Variants in ASPH observed in about 807,000 individuals in gnomAD.
ASPH encodes aspartate beta-hydroxylase, also known as aspartyl/asparaginyl beta-hydroxylase.
In ASPH, 100 loss-of-function variants were observed where a neutral mutation model predicts 118.4. That is an observed-to-expected ratio of 0.84 (90% CI 0.72 to 1.00). The LOEUF (loss-of-function observed/expected upper bound fraction) is 1.00. Among genes scored for constraint, ASPH ranks in the 50% least tolerant of loss-of-function variants. ASPH has a pLI of 0.00. For synonymous variants in ASPH, 315 were observed against 325.6 expected, an observed-to-expected ratio of 0.97 and a Z score of 0.35; for missense variants, 920 against 919.5, an observed-to-expected ratio of 1.00 and a Z score of -0.01.
chr8:61,625,076 G>T, intron 13 of ASPH: 1 of 985,698 alleles, frequency 1.0e-6, no homozygotes, highest in East Asian at 1.1e-4. Context: ...AAAATCAAGA[G>T]CTACCCCTAA....
intron 14 of ASPH, among the ~76,000 whole-genome samples, chr8:61,615,718 G>A (rs776875073): frequency 2.0e-5 from 3 of 152,134 alleles, no homozygotes; most frequent in Admixed American, 6.5e-5. Flanking sequence ...AACTGATATC[G>A]CAATTTTATC....
At chr8:61,585,149 GT>G (rs1225817036) in intron 14 of ASPH, among the ~76,000 whole-genome samples, 2 of 152,212 alleles carry the variant, frequency 1.3e-5, no homozygotes, top group Non-Finnish European at 2.9e-5. Context: ...TTAGCAAACA[GT>G]TTTTGGCTCT....
At chr8:61,572,555 A>C (rs956172917) in intron 16 of ASPH, among the ~76,000 whole-genome samples, 1 of 152,060 alleles carries the variant, frequency 6.6e-6, no homozygotes, top group African/African-American at 2.4e-5. Flanking sequence ...GCCGAACCAA[A>C]AACTCAGGGG....
intron 1 of ASPH, among the ~76,000 whole-genome samples, chr8:61,694,207 T>G (rs1052048859): frequency 6.6e-6 from 1 of 152,144 alleles, no homozygotes; most frequent in Non-Finnish European, 1.5e-5. Context: ...AAACCTGCCC[T>G]AGCCTGCATC....
At chr8:61,714,231 G>C in intron 1 of ASPH, 38 bp downstream of exon 1, 1 of 1,442,520 alleles carries the variant, frequency 6.9e-7, no homozygotes, top group Non-Finnish European at 9.1e-7. Context: ...CCTACCCCGA[G>C]GCGAGGCCCC....
intron 1 of ASPH, among the ~76,000 whole-genome samples, chr8:61,687,899 G>A (rs1423215168): frequency 6.6e-6 from 1 of 152,020 alleles, no homozygotes; most frequent in African/African-American, 2.4e-5. Context: ...TATTACTGTT[G>A]ATATTTACTA....
At chr8:61,522,299 A>T (rs1000215665) in intron 22 of ASPH, among the ~76,000 whole-genome samples, 2 of 152,200 alleles carry the variant, frequency 1.3e-5, no homozygotes, top group African/African-American at 2.4e-5. Flanking sequence ...CAAATACCAC[A>T]GACTGAGTGG....
chr8:61,517,858 A>G (rs1217359161), intron 23 of ASPH, among the ~76,000 whole-genome samples, 174 bp downstream of exon 23: 1 of 152,220 alleles, frequency 6.6e-6, no homozygotes, highest in Non-Finnish European at 1.5e-5. Context: ...TAAACACTGA[A>G]CATTTTCCAC....
intron 13 of ASPH, chr8:61,633,428 A>G (rs1856454390): frequency 3.3e-6 from 1 of 304,506 alleles, no homozygotes; most frequent in Non-Finnish European, 6.1e-6. Context: ...TACTACCACC[A>G]TCTATAATGG....
intron 1 of ASPH, among the ~76,000 whole-genome samples, chr8:61,685,061 C>T (rs1449561057): frequency 6.6e-6 from 1 of 151,932 alleles, no homozygotes; most frequent in African/African-American, 2.4e-5. Flanking sequence ...GCGGTGTCTC[C>T]CATTTGTGTG....
At chr8:61,583,809 T>C (rs1227119296) in intron 15 of ASPH, 135 bp downstream of exon 15, 4 of 615,544 alleles carry the variant, frequency 6.5e-6, no homozygotes, top group Non-Finnish European at 1.1e-5. Context: ...GGAATGTTCA[T>C]GTGCCTGGGG....
At chr8:61,706,571 C>G (rs934538842) in intron 1 of ASPH, among the ~76,000 whole-genome samples, 1 of 152,152 alleles carries the variant, frequency 6.6e-6, no homozygotes. Context: ...TTATAAACAT[C>G]TGTATTTGTC....
rs758059271 is a variant in ASPH, at chr8:61,503,339, C to G, written c.*20G>C. The stretch of plus-strand genomic sequence containing the variant: ...AAGGCAGCCTCTCTCCAGAGTTTCC[C>G]AAGCTTGCATGAATTCATGCTAAAT... On this transcript the variant is annotated 3_prime_UTR_variant, in exon 25 of 25. Coordinates refer to ENST00000379454, the MANE Select transcript of ASPH (RefSeq NM_004318.4). 6 of 1,593,228 alleles carry G rather than the reference C, an allele frequency of 3.8e-6. No homozygotes were observed. In the African/African-American group the frequency reaches 8.1e-5, roughly 21 times the overall value.
intron 13 of ASPH, chr8:61,626,206 A>C (rs191253299): frequency 6.9e-7 from 1 of 1,452,972 alleles, no homozygotes; most frequent in East Asian, 2.6e-5. Flanking sequence ...GATCTATCAC[A>C]GCCATCTTTT....
At chr8:61,624,394 G>T (rs145938695) in intron 13 of ASPH, 1 of 985,154 alleles carries the variant, frequency 1.0e-6, no homozygotes, top group South Asian at 4.7e-5. Context: ...TTAGAAATAC[G>T]TTAACTGGCT....
chr8:61,617,024 G>C (rs953283020), intron 14 of ASPH, among the ~76,000 whole-genome samples: 1 of 152,146 alleles, frequency 6.6e-6, no homozygotes, highest in Admixed American at 6.5e-5. Context: ...TGTTAAGTTT[G>C]AAGTGATTAT....
chr8:61,710,145 T>C (rs1042460996), intron 1 of ASPH, among the ~76,000 whole-genome samples: 4 of 152,216 alleles, frequency 2.6e-5, no homozygotes, highest in Non-Finnish European at 1.5e-5. Flanking sequence ...TCAGCATTAG[T>C]GATATCAAAA....
At chr8:61,695,232 T>G (rs1270535495) in intron 1 of ASPH, among the ~76,000 whole-genome samples, 1 of 152,228 alleles carries the variant, frequency 6.6e-6, no homozygotes, top group Non-Finnish European at 1.5e-5. Flanking sequence ...TTCTACTCCA[T>G]ACAGCAGACA....
At chr8:61,689,705 C>A in intron 1 of ASPH, 1 of 1,578,234 alleles carries the variant, frequency 6.3e-7, no homozygotes, top group African/African-American at 1.4e-5. Flanking sequence ...TTCTTCAATC[C>A]ATGAATAATA....
Sources: allele counts gnomAD v4.1 joint callset (sites outside exome capture counted in the v4.1 genomes callset), GRCh38; gene constraint gnomAD v4.1.1; transcripts MANE v1.5; gene names NCBI Gene and HGNC (gene_info 2026-07-23, HGNC 2026-07-21).